TG: variants seen among roughly 807,000 people sequenced by gnomAD.
TG encodes the protein thyroglobulin, also known as thyroid hormones.
In TG, 270 loss-of-function variants were observed where a neutral mutation model predicts 324.7. The ratio of observed to expected loss-of-function variants is 0.83; its 90% confidence interval spans 0.75 to 0.92. TG has a LOEUF of 0.92. Ranked by LOEUF, TG falls within the 40% of genes least tolerant of loss-of-function variation. TG has a pLI of 0.00. For missense variants in TG, 3,591 were observed against 3,456.4 expected (o/e 1.04, Z -0.98); for synonymous variants, 1,401 against 1,327.0 (o/e 1.06, Z -1.21).
intron 40 of TG, among the ~76,000 whole-genome samples, chr8:133,024,330 CTTTCTTT>C (rs1835838208): frequency 9.8e-6 from 1 of 102,358 alleles, no homozygotes; most frequent in African/African-American, 4.4e-5. Flanking sequence ...TTCTTTCTTT[CTTTCTTT>C]CTTTCTTTCT....
chr8:132,959,470 A>G (rs1827441665), intron 27 of TG, among the ~76,000 whole-genome samples: 2 of 152,228 alleles, frequency 1.3e-5, no homozygotes, highest in Non-Finnish European at 2.9e-5. Context: ...AGTAGGGGAA[A>G]TGATTAAGAT....
intron 43 of TG, among the ~76,000 whole-genome samples, chr8:133,100,682 A>G (rs1448488338): frequency 6.6e-6 from 1 of 152,190 alleles, no homozygotes; most frequent in Admixed American, 6.5e-5. Context: ...ACTCTGGGAA[A>G]AGCCAGGCTT....
chr8:132,949,379 G>A lies in TG; in HGVS notation c.5401+436G>A, dbSNP rs1034750236. On this transcript the variant is annotated intron_variant, in intron 27 of 47. Transcript: ENST00000220616. ...TGTTGGTGGAGCTCAGATCTGTCAC[G>A]TTACCATTTCTGCCTCATCCTATTG... 5.3e-5 allele frequency among the ~76,000 whole-genome samples: 8 copies of A among 152,192 alleles called. No individual in the cohort carries two copies. The South Asian group carries it at 8.3e-4, about 16-fold the overall frequency.
At chr8:133,014,260 C>T (rs1053272846) in intron 37 of TG, among the ~76,000 whole-genome samples, 1 of 152,216 alleles carries the variant, frequency 6.6e-6, no homozygotes, top group African/African-American at 2.4e-5. Context: ...GCCATGCAGC[C>T]TAACTATCGC....
intron 23 of TG, among the ~76,000 whole-genome samples, chr8:132,929,701 A>G (rs901523727): frequency 4.6e-5 from 7 of 152,244 alleles, no homozygotes; most frequent in Admixed American, 3.3e-4. Context: ...CAAAGTAACA[A>G]CATCAAAGCC....
At chr8:133,027,210 C>A (rs1420662000) in intron 40 of TG, among the ~76,000 whole-genome samples, 1 of 152,200 alleles carries the variant, frequency 6.6e-6, no homozygotes, top group Admixed American at 6.5e-5. Flanking sequence ...CAAACAAGAG[C>A]CAATTCAACA....
intron 35 of TG, among the ~76,000 whole-genome samples, chr8:132,991,226 G>T (rs140793908): frequency 3.9e-4 from 59 of 152,260 alleles, no homozygotes; most frequent in African/African-American, 1.4e-3. Context: ...CTGCAGTCCT[G>T]GAGGGAGTCA....
intron 34 of TG, 145 bp downstream of exon 34, chr8:132,972,886 A>G: frequency 1.8e-6 from 2 of 1,135,006 alleles, no homozygotes; most frequent in Non-Finnish European, 2.6e-6. Flanking sequence ...TGTTTAACTT[A>G]AGCAGACAAG....
intron 3 of TG, among the ~76,000 whole-genome samples, chr8:132,870,277 T>TA (rs1839362951): frequency 6.6e-6 from 1 of 151,404 alleles, no homozygotes; most frequent in Admixed American, 6.6e-5. Flanking sequence ...ATGGTTAACT[T>TA]AAGCCAACCA....
chr8:132,896,135 A>C (rs1032447246), intron 11 of TG, among the ~76,000 whole-genome samples: 1 of 152,384 alleles, frequency 6.6e-6, no homozygotes, highest in African/African-American at 2.4e-5. Context: ...TTTAACACCT[A>C]TCAGCTCCTT....
At chr8:132,933,445 T>C (rs1235343035) in intron 23 of TG, 116 bp from the exon 24 acceptor site, 1 of 636,936 alleles carries the variant, frequency 1.6e-6, no homozygotes, top group South Asian at 1.5e-5. Flanking sequence ...TGTGTGTGTG[T>C]GTGTGTGTGT....
At chr8:133,047,733 G>C in intron 41 of TG, 4 of 780,362 alleles carry the variant, frequency 5.1e-6, no homozygotes, top group Non-Finnish European at 9.3e-6. Flanking sequence ...TTGCATGGAC[G>C]TAGGAGGAAG....
chr8:132,973,086 GGA>G, intron 34 of TG, among the ~76,000 whole-genome samples: 1 of 152,334 alleles, frequency 6.6e-6, no homozygotes, highest in South Asian at 2.1e-4. Flanking sequence ...AATTCAAGGA[GGA>G]GAGTTTGGTC....
chr8:133,047,685 C>T (rs543427439), intron 41 of TG: 28 of 674,572 alleles, frequency 4.2e-5, no homozygotes, highest in East Asian at 3.0e-4. Flanking sequence ...TCCCCAGCAG[C>T]GTGTGGGCTG....
intron 40 of TG, 52 bp downstream of exon 40, chr8:133,022,202 C>T (rs1235979735): frequency 1.2e-6 from 2 of 1,609,792 alleles, no homozygotes; most frequent in Non-Finnish European, 1.7e-6. Flanking sequence ...CAAGGCTCAG[C>T]CCCTTTTCCC....
At chr8:132,932,334 G>A (rs1437517172) in intron 23 of TG, among the ~76,000 whole-genome samples, 1 of 152,136 alleles carries the variant, frequency 6.6e-6, no homozygotes, top group Admixed American at 6.6e-5. Flanking sequence ...AGAAAAGGAA[G>A]ACATCTCTAT....
intron 35 of TG, among the ~76,000 whole-genome samples, chr8:133,006,554 A>T (rs1276310282): frequency 6.6e-6 from 1 of 152,192 alleles, no homozygotes; most frequent in African/African-American, 2.4e-5. Flanking sequence ...GTATCAGAGG[A>T]GGCCCGTAAA....
Position 132,886,670 on chromosome 8 carries a change from T to A in TG, c.1298T>A (p.Phe433Tyr), listed in dbSNP as rs780557759. The A allele has an allele frequency of 8.1e-6, 13 of 1,614,050 alleles. No individual in the cohort carries two copies. In the Admixed American group the frequency reaches 8.3e-5, roughly 10 times the overall value. ...ATGGTGGAGGGACAGAGCCAACAGTTTTCTGTCTCAGAAAATCTTCTCAAA... is the reference window on the plus strand; with the variant it reads ...ATGGTGGAGGGACAGAGCCAACAGTATTCTGTCTCAGAAAATCTTCTCAAA... ...RPMVEGQSQQ[F>Y]SVSENLLKEA... The change falls in exon 9 of 48, where the codon TTT (phenylalanine) becomes TAT (tyrosine). Residue 433 changes from phenylalanine to tyrosine, a missense_variant. Coordinates refer to ENST00000220616, the MANE Select transcript of TG (RefSeq NM_003235.5).
chr8:133,045,038 T>C (rs1564110125), intron 41 of TG: 3 of 1,614,162 alleles, frequency 1.9e-6, no homozygotes, highest in Non-Finnish European at 1.7e-6. Flanking sequence ...CTCGGGGAAA[T>C]GTAGTACCAG....
Sources: allele counts gnomAD v4.1 joint callset (sites outside exome capture counted in the v4.1 genomes callset), GRCh38; gene constraint gnomAD v4.1.1; transcripts MANE v1.5; gene names NCBI Gene and HGNC (gene_info 2026-07-23, HGNC 2026-07-21).